Variants in ACOX2 observed in about 807,000 individuals in gnomAD.
ACOX2 encodes peroxisomal acyl-coenzyme A oxidase 2.
Under a neutral mutation model 77.5 loss-of-function variants are expected in ACOX2, and 59 were observed. The observed-to-expected ratio is 0.76, with a 90% CI of 0.62 to 0.95. The LOEUF (loss-of-function observed/expected upper bound fraction) is 0.95. ACOX2 is among the 40% of genes least tolerant of loss of function. The pLI is 0.00. For synonymous variants in ACOX2, 317 were observed against 340.1 expected (o/e 0.93, Z 0.75); for missense variants, 837 against 880.4 (o/e 0.95, Z 0.62).
chr3:58,530,667 C>T (rs1489477986), intron 7 of ACOX2, 29 bp from the exon 8 acceptor site: 3 of 1,603,998 alleles, frequency 1.9e-6, no homozygotes, highest in Admixed American at 1.7e-5. Flanking sequence ...GGCACAAGTT[C>T]TGGGCCAAGG....
In ACOX2 at chr3:58,530,592, T is replaced by C. The variant is rs2063431052; in HGVS notation, c.866A>G (p.Asn289Ser). 6.2e-7 allele frequency: 1 copy of C among 1,614,228 alleles called. No individual in the cohort carries two copies. Among genetic ancestry groups the C allele is most frequent in the Non-Finnish European group, 8.5e-7 (1 of 1,180,038 alleles). The change falls in exon 8 of 15, where the codon AAC becomes AGC. Residue 289 changes from asparagine (N) to serine (S), a missense_variant. Transcript: ENST00000302819. ...TYVKLGTAQS[N>S]YLPMVVVRVE... ...CCGCACCACCACCATGGGAAGGTAG[T>C]TGCTCTGTGCTGTACCGAGTTTGAC...
chr3:58,533,644 A>C lies in ACOX2; in HGVS notation c.476-92T>G. ...AGGTGGGTCTGAACTCTTAGGCATCAGCGCAGTATGGAGTGGGGCCCAGCT... is the reference window on the plus strand; with the variant it reads ...AGGTGGGTCTGAACTCTTAGGCATCCGCGCAGTATGGAGTGGGGCCCAGCT... On this transcript the variant is annotated intron_variant, in intron 4 of 14. Transcript: ENST00000302819. The surrounding 1 kb of genome is among the most constrained non-coding windows in gnomAD (Gnocchi z 5.6). The C allele has an allele frequency of 8.4e-7, 1 of 1,190,522 alleles. No homozygotes were observed. Among genetic ancestry groups the C allele is most frequent in the South Asian group, 1.3e-5 (1 of 78,432 alleles). The allele number at this position is 1,190,522 out of a possible 1,614,324, so 73.7% of individuals were successfully genotyped here. A position where few individuals can be genotyped will look rare whatever the true frequency, so the allele number is the denominator to read the frequency against.
chr3:58,528,732 G>A lies in ACOX2; in HGVS notation c.1155+62C>T. On this transcript the variant is annotated intron_variant, in intron 9 of 14. Coordinates refer to ENST00000302819, the MANE Select transcript of ACOX2 (RefSeq NM_003500.4). This position sits in a 1 kb window ranked among gnomAD's most constrained non-coding sequence, Gnocchi z 5.6. ...GATGGGGCTGTGGCTGCTCCCCAGT[G>A]AGTGGAACAATCTTAGCTCCCAGCG... 2 of 1,516,956 alleles carry A rather than the reference G, an allele frequency of 1.3e-6. No individual in the cohort carries two copies. The highest frequency in any genetic ancestry group is 2.4e-5 in the East Asian group (1 of 42,448). The allele number at this position is 1,516,956 out of a possible 1,614,324, so 94.0% of individuals were successfully genotyped here. A position where few individuals can be genotyped will look rare whatever the true frequency, so the allele number is the denominator to read the frequency against.
rs796919906 is a variant in ACOX2, at chr3:58,510,689, TATATATATATATATATATATACACAC to T, written c.1851-1690_1851-1665del. Among the ~76,000 whole-genome samples, 147 of 16,068 alleles carry T rather than the reference TATATATATATATATATATATACACAC, an allele frequency of 9.1e-3. 26 individuals carry two copies. Among genetic ancestry groups the T allele is most frequent in the East Asian group, 0.042 (12 of 286 alleles). 10.5% of individuals were successfully genotyped at this position (16,068 alleles called of 152,430 possible). On this transcript the variant is annotated intron_variant, in intron 13 of 14. Coordinates refer to ENST00000302819, the MANE Select transcript of ACOX2 (RefSeq NM_003500.4). ...ATATATATATATATATATATATATA[TATATATATATATATATATATACACAC>T]ACACACACACACACACACACACACA...
chr3:58,530,373 C>T (rs1325454821), intron 8 of ACOX2, 93 bp downstream of exon 8: 1 of 1,528,226 alleles, frequency 6.5e-7, no homozygotes, highest in East Asian at 2.3e-5. Context: ...GCTCCCAGCA[C>T]TCTGGCTCTG....
chr3:58,513,293 A>T (rs2063300473), intron 13 of ACOX2, among the ~76,000 whole-genome samples: 1 of 152,148 alleles, frequency 6.6e-6, no homozygotes, highest in African/African-American at 2.4e-5. Flanking sequence ...TGAAACTCGT[A>T]TCCTTCATTT....
Position 58,524,317 on chromosome 3 carries a change from T to G in ACOX2, c.1526+109A>C, listed in dbSNP as rs1576995133. On this transcript the variant is annotated intron_variant, in intron 11 of 14. Coordinates refer to ENST00000302819, the MANE Select transcript of ACOX2 (RefSeq NM_003500.4). The surrounding 1 kb of genome is among the most constrained non-coding windows in gnomAD (Gnocchi z 5.5). Reference sequence around the variant, plus strand: ...AGGACCGGGGAGGCTAGGCATGGGGTGGTTTTTAGAACTGAATCCACGAAT... The same window carrying G: ...AGGACCGGGGAGGCTAGGCATGGGGGGGTTTTTAGAACTGAATCCACGAAT... The G allele has an allele frequency of 7.3e-7, 1 of 1,365,022 alleles. No homozygotes were observed. Among genetic ancestry groups the G allele is most frequent in the Non-Finnish European group, 1.0e-6 (1 of 1,004,040 alleles). The allele number at this position is 1,365,022 out of a possible 1,614,324, so 84.6% of individuals were successfully genotyped here.
Position 58,528,755 on chromosome 3 carries a change from G to T in ACOX2, c.1155+39C>A. 6.4e-7 allele frequency: 1 copy of T among 1,569,004 alleles called. No individual in the cohort carries two copies. Among genetic ancestry groups the T allele is most frequent in the Non-Finnish European group, 8.6e-7 (1 of 1,157,526 alleles). ...GTGAGTGGAACAATCTTAGCTCCCA[G>T]CGCCTGCCAGCGCCTGCCCCTCCGC... On this transcript the variant is annotated intron_variant, in intron 9 of 14. Transcript: ENST00000302819. The surrounding 1 kb of genome is among the most constrained non-coding windows in gnomAD (Gnocchi z 5.6).
In ACOX2 at chr3:58,535,636, C is replaced by A. The variant is rs1173295050; in HGVS notation, c.-91-439G>T. Among the ~76,000 whole-genome samples, 1 of 152,148 alleles carries A rather than the reference C, an allele frequency of 6.6e-6. No individual in the cohort carries two copies. The highest frequency in any genetic ancestry group is 2.4e-5 in the African/African-American group (1 of 41,434). Reference sequence around the variant, plus strand: ...CTCCACTGTGGAGGATTGCTGGGGGCACCTTGGTCTCATTAAACTGCTCAT... The same window carrying A: ...CTCCACTGTGGAGGATTGCTGGGGGAACCTTGGTCTCATTAAACTGCTCAT... On this transcript the variant is annotated intron_variant, in intron 1 of 14. Transcript: ENST00000302819. The surrounding 1 kb of genome is among the most constrained non-coding windows in gnomAD (Gnocchi z 4.8).
At position 58,521,668 on chromosome 3, in the gene ACOX2, A is replaced by G. The variant is rs1416112644; in HGVS notation, c.1632+828T>C. 6.6e-6 allele frequency among the ~76,000 whole-genome samples: 1 copy of G among 152,000 alleles called. No homozygotes were observed. Among genetic ancestry groups the G allele is most frequent in the Non-Finnish European group, 1.5e-5 (1 of 67,998 alleles). ...ATCACTTTACCCCACCTCCAAACAAACTCAGCAAAGGCATTGCAATGAAAA... is the reference window on the plus strand; with the variant it reads ...ATCACTTTACCCCACCTCCAAACAAGCTCAGCAAAGGCATTGCAATGAAAA... On this transcript the variant is annotated intron_variant, in intron 12 of 14. Transcript: ENST00000302819. The surrounding 1 kb of genome is among the most constrained non-coding windows in gnomAD (Gnocchi z 4.8).
At position 58,514,723 on chromosome 3, in the gene ACOX2, G is replaced by A. The variant is rs1258165905; in HGVS notation, c.1850+2483C>T. On this transcript the variant is annotated intron_variant, in intron 13 of 14. Transcript: ENST00000302819. This position sits in a 1 kb window ranked among gnomAD's most constrained non-coding sequence, Gnocchi z 4.3. ...GTCTTGTCTTGAATTGTAAGTTTCT[G>A]GAGCCAAGGCAAGCACTTAGAAATG... 6.6e-6 allele frequency among the ~76,000 whole-genome samples: 1 copy of A among 152,182 alleles called. No homozygotes were observed. The highest frequency in any genetic ancestry group is 2.4e-5 in the African/African-American group (1 of 41,442).
rs60942766 is a variant in ACOX2, at chr3:58,510,709, T to TACACACAC, written c.1851-1692_1851-1685dup. 6.5e-3 allele frequency among the ~76,000 whole-genome samples: 47 copies of TACACACAC among 7,266 alleles called. 1 individual carries two copies. The highest frequency in any genetic ancestry group is 6.7e-3 in the Non-Finnish European group (27 of 4,058). 4.8% of individuals were successfully genotyped at this position (7,266 alleles called of 152,430 possible). On this transcript the variant is annotated intron_variant, in intron 13 of 14. Transcript: ENST00000302819. ...ATATATATATATATATATATATATA[T>TACACACAC]ACACACACACACACACACACACACA...
rs753510432 is a variant in ACOX2, at chr3:58,531,313, C to T, written c.757G>A (p.Gly253Ser). Residue 253 changes from glycine to serine, a missense_variant, in exon 7 of 15, where the codon GGC becomes AGC. Physicochemically the swap from Gly to Ser is moderately conservative, Grantham distance 56. Transcript: ENST00000302819. The surrounding 1 kb of genome is among the most constrained non-coding windows in gnomAD (Gnocchi z 5.8). ...CGCACATGGTTCAGCTGCAGGAAGC[C>T]ATTGTCTGTTTGATCAAAGTCCATC... ...PKMDFDQTDN[G>S]FLQLNHVRVP... 3.1e-6 allele frequency: 5 copies of T among 1,613,874 alleles called. No individual in the cohort carries two copies. Among genetic ancestry groups the T allele is most frequent in the East Asian group, 2.2e-5 (1 of 44,882 alleles).
intron 8 of ACOX2, 85 bp downstream of exon 8, chr3:58,530,381 C>G (rs1222654490): frequency 1.7e-5 from 26 of 1,542,220 alleles, no homozygotes; most frequent in Non-Finnish European, 2.3e-5. Context: ...CACTCTGGCT[C>G]TGGCAGAAGG....
intron 13 of ACOX2, among the ~76,000 whole-genome samples, chr3:58,516,124 G>A (rs910505163): frequency 3.3e-5 from 5 of 151,992 alleles, no homozygotes; most frequent in Admixed American, 6.6e-5. Flanking sequence ...ACCATACATG[G>A]CACTGCATTA....
intron 5 of ACOX2, among the ~76,000 whole-genome samples, chr3:58,532,900 C>A (rs1421197829): frequency 2.0e-5 from 3 of 152,188 alleles, no homozygotes; most frequent in African/African-American, 7.2e-5. Flanking sequence ...TGGTAAATCA[C>A]CAAGCCTCAG....
In ACOX2 at chr3:58,522,674, C is replaced by A. The variant is rs1054649490; in HGVS notation, c.1527-73G>T. On this transcript the variant is annotated intron_variant, in intron 11 of 14. Transcript: ENST00000302819. The surrounding 1 kb of genome is among the most constrained non-coding windows in gnomAD (Gnocchi z 4.3). ...GACAACTGATGGGCTTCCTGTGGTCCCTCAGAAGTAGAAATAATGCCTGTT... is the reference window on the plus strand; with the variant it reads ...GACAACTGATGGGCTTCCTGTGGTCACTCAGAAGTAGAAATAATGCCTGTT... 7.5e-7 allele frequency: 1 copy of A among 1,331,974 alleles called. No individual in the cohort carries two copies. Among genetic ancestry groups the A allele is most frequent in the South Asian group, 1.2e-5 (1 of 84,464 alleles). 82.5% of individuals were successfully genotyped at this position (1,331,974 alleles called of 1,614,324 possible).
intron 13 of ACOX2, among the ~76,000 whole-genome samples, chr3:58,516,449 G>A (rs1295701883): frequency 1.3e-5 from 2 of 152,218 alleles, no homozygotes; most frequent in African/African-American, 4.8e-5. Context: ...AATAAAATGA[G>A]GAGATTAATA....
In ACOX2 at chr3:58,533,145, T is replaced by A. The variant is rs757585337; in HGVS notation, c.583+300A>T. Among the ~76,000 whole-genome samples the A allele has an allele frequency of 8.5e-5, 13 of 152,128 alleles. No homozygotes were observed. The highest frequency in any genetic ancestry group is 1.6e-4 in the Non-Finnish European group (11 of 68,006). Reference sequence around the variant, plus strand: ...GAGGAGTGCCTAGGACTAGACCAAGTGTGTGTGTTTGTGCGTGTGTGTGTG... The same window carrying A: ...GAGGAGTGCCTAGGACTAGACCAAGAGTGTGTGTTTGTGCGTGTGTGTGTG... On this transcript the variant is annotated intron_variant, in intron 5 of 14. Transcript: ENST00000302819. This position sits in a 1 kb window ranked among gnomAD's most constrained non-coding sequence, Gnocchi z 5.6.
Sources: gnomAD v4.1 joint callset for allele counts (sites outside exome capture counted in the v4.1 genomes callset) on GRCh38, gnomAD v4.1.1 for gene constraint, Gnocchi (gnomAD v3.1) non-coding constraint, MANE v1.5 for transcripts, NCBI Gene and HGNC (gene_info 2026-07-23, HGNC 2026-07-21) for gene names.